CCSER1: variants seen among roughly 807,000 people sequenced by gnomAD.
CCSER1 encodes the protein serine-rich coiled-coil domain-containing protein 1.
CCSER1 carries 41 observed loss-of-function variants against 82.0 expected under a neutral mutation model. The ratio of observed to expected loss-of-function variants is 0.50; its 90% confidence interval spans 0.39 to 0.65. The LOEUF is 0.65. CCSER1 is among the 30% of genes least tolerant of loss of function. The pLI is 0.00. For missense variants in CCSER1, 1,119 were observed against 1,064.2 expected, an observed-to-expected ratio of 1.05 and a Z score of -0.72; for synonymous variants, 414 against 383.9, an observed-to-expected ratio of 1.08 and a Z score of -0.92.
chr4:90,773,773 A>G (rs1050702656), intron 7 of CCSER1, among the ~76,000 whole-genome samples: 1 of 152,220 alleles, frequency 6.6e-6, no homozygotes, highest in South Asian at 2.1e-4. Flanking sequence ...AATTACAATA[A>G]CATTATTTCT....
chr4:90,301,920 G>A (rs1474414953), intron 1 of CCSER1, among the ~76,000 whole-genome samples: 1 of 152,034 alleles, frequency 6.6e-6, no homozygotes, highest in Non-Finnish European at 1.5e-5. Flanking sequence ...ATGACATATT[G>A]TTTCATTAAA....
In CCSER1 at chr4:91,482,958, C is replaced by T. The variant is rs946750406; in HGVS notation, c.2218-115614C>T. ...AGGGCCTGTTGTGGGGTGGGGGGAG[C>T]GGGGAGGGATAGCATTAGGAGATAT... On this transcript the variant is annotated intron_variant, in intron 10 of 10. Coordinates refer to ENST00000509176, the MANE Select transcript of CCSER1 (RefSeq NM_001145065.2). Among the ~76,000 whole-genome samples the T allele has an allele frequency of 5.3e-5, 8 of 150,898 alleles. No homozygotes were observed. The East Asian group carries it at 5.9e-4, about 11-fold the overall frequency.
chr4:90,993,321 T>A (rs1412732498), intron 9 of CCSER1, among the ~76,000 whole-genome samples: 1 of 152,104 alleles, frequency 6.6e-6, no homozygotes, highest in Admixed American at 6.6e-5. Flanking sequence ...GAGATTGTGA[T>A]TTAATTATTC....
At chr4:90,326,496 C>A (rs535600250) in intron 3 of CCSER1, among the ~76,000 whole-genome samples, 2 of 148,390 alleles carry the variant, frequency 1.3e-5, no homozygotes, top group Admixed American at 6.7e-5. Flanking sequence ...TATATATCTT[C>A]TGTTGTTCTT....
chr4:91,356,962 A>G (rs973159914), intron 10 of CCSER1, among the ~76,000 whole-genome samples: 2 of 151,936 alleles, frequency 1.3e-5, no homozygotes, highest in Non-Finnish European at 2.9e-5. Flanking sequence ...AAGGGGGACA[A>G]TCAGGGTCTC....
intron 8 of CCSER1, among the ~76,000 whole-genome samples, chr4:90,881,617 C>T (rs560019423): frequency 3.9e-4 from 54 of 139,032 alleles, no homozygotes; most frequent in Admixed American, 7.4e-4. Context: ...ACCAAAAATG[C>T]AACAACAACA....
chr4:91,111,199 G>A (rs867377923), intron 10 of CCSER1, among the ~76,000 whole-genome samples: 22 of 151,888 alleles, frequency 1.4e-4, no homozygotes, highest in Middle Eastern at 3.4e-3. Flanking sequence ...TAAATTACCC[G>A]TTATCCTTTG....
At chr4:91,023,538 CA>C (rs1740208322) in intron 9 of CCSER1, among the ~76,000 whole-genome samples, 1 of 152,062 alleles carries the variant, frequency 6.6e-6, no homozygotes, top group South Asian at 2.1e-4. Context: ...ACAAACCTGA[CA>C]AAAACAAGCA....
chr4:90,866,318 C>G (rs995254132), intron 8 of CCSER1, among the ~76,000 whole-genome samples: 1 of 151,810 alleles, frequency 6.6e-6, no homozygotes, highest in Non-Finnish European at 1.5e-5. Flanking sequence ...AGTGAGTAGC[C>G]GAAGTAATGA....
At chr4:90,306,176 CCGGGGGCTGGGGTGT>C (rs1734241329) in intron 1 of CCSER1, among the ~76,000 whole-genome samples, 1 of 151,982 alleles carries the variant, frequency 6.6e-6, no homozygotes, top group Admixed American at 6.6e-5. Flanking sequence ...GATGGAAGGA[CCGGGGGCTGGGGTGT>C]CGGGGCCAGG....
At chr4:90,616,542 G>A (rs115786456) in intron 5 of CCSER1, among the ~76,000 whole-genome samples, 1,679 of 151,688 alleles carry the variant, frequency 0.011, 34 homozygotes, top group African/African-American at 0.035. Flanking sequence ...AAAATTAGTC[G>A]GGTGTGGTAG....
At chr4:90,932,254 A>G (rs1561382686) in intron 9 of CCSER1, among the ~76,000 whole-genome samples, 1 of 152,158 alleles carries the variant, frequency 6.6e-6, no homozygotes. Flanking sequence ...AAAGCATCAA[A>G]GTTCTATACA....
chr4:90,476,747 G>A (rs551792695), intron 5 of CCSER1, among the ~76,000 whole-genome samples: 1 of 152,262 alleles, frequency 6.6e-6, no homozygotes, highest in East Asian at 1.9e-4. Flanking sequence ...TCTCTCTGCT[G>A]TTTATTGCTC....
At chr4:91,172,013 T>C (rs936233228) in intron 10 of CCSER1, among the ~76,000 whole-genome samples, 12 of 152,130 alleles carry the variant, frequency 7.9e-5, no homozygotes, top group African/African-American at 1.9e-4. Context: ...AAAAAAATCC[T>C]ATTATTCAAT....
chr4:91,570,687 G>A (rs1214442252), intron 10 of CCSER1, among the ~76,000 whole-genome samples: 2 of 152,100 alleles, frequency 1.3e-5, no homozygotes, highest in East Asian at 3.9e-4. Context: ...AGTGGCTTTG[G>A]GCCTGGCCCA....
chr4:91,285,176 G>A (rs906631708), intron 10 of CCSER1, among the ~76,000 whole-genome samples: 12 of 150,588 alleles, frequency 8.0e-5, no homozygotes, highest in Non-Finnish European at 1.8e-4. Flanking sequence ...TAAAGATATG[G>A]CTTCTTAAAT....
chr4:90,214,406 T>G (rs1246258637), intron 1 of CCSER1, among the ~76,000 whole-genome samples: 1 of 152,176 alleles, frequency 6.6e-6, no homozygotes, highest in African/African-American at 2.4e-5. Flanking sequence ...GAGTTAGGGA[T>G]GCACTAATAG....
chr4:90,724,962 G>C (rs966434269), intron 7 of CCSER1: 1 of 419,064 alleles, frequency 2.4e-6, no homozygotes, highest in South Asian at 1.7e-5. Flanking sequence ...ATTCAAATGA[G>C]AGTATTTAGT....
intron 9 of CCSER1, among the ~76,000 whole-genome samples, chr4:90,940,367 A>G (rs1372509713): frequency 6.7e-6 from 1 of 150,252 alleles, no homozygotes; most frequent in Non-Finnish European, 1.5e-5. Flanking sequence ...AATTGAATCA[A>G]TTCTAAATAT....
Sources: gnomAD v4.1 joint callset for allele counts (sites outside exome capture counted in the v4.1 genomes callset) on GRCh38, gnomAD v4.1.1 for gene constraint, MANE v1.5 for transcripts, NCBI Gene and HGNC (gene_info 2026-07-23, HGNC 2026-07-21) for gene names.